The following EFNA5 variants were observed in gnomAD, a reference collection of about 807,000 sequenced individuals.
EFNA5 encodes the protein ephrin A5, also known as ephrin-A5.
EFNA5 carries 5 observed loss-of-function variants against 22.9 expected under a neutral mutation model. The ratio of observed to expected loss-of-function variants is 0.22; its 90% CI spans 0.11 to 0.46. The LOEUF (loss-of-function observed/expected upper bound fraction) is 0.46, where lower values mean the gene tolerates loss of function less well. Among genes scored for constraint, EFNA5 ranks in the 20% least tolerant of loss-of-function variants. The pLI is 0.99. For missense variants in EFNA5, 237 were observed against 293.3 expected (o/e 0.81, Z 1.40); for synonymous variants, 113 against 112.2 (o/e 1.01, Z -0.04).
At chr5:107,481,213 C>G (rs1251214351) in intron 1 of EFNA5, among the ~76,000 whole-genome samples, 2 of 152,116 alleles carry the variant, frequency 1.3e-5, no homozygotes, top group Admixed American at 1.3e-4. Context: ...CTCCTGTATT[C>G]AGGAGAGTTT....
At chr5:107,628,611 T>C (rs1343531326) in intron 1 of EFNA5, among the ~76,000 whole-genome samples, 1 of 152,142 alleles carries the variant, frequency 6.6e-6, no homozygotes, top group Non-Finnish European at 1.5e-5. Context: ...TACCACAACA[T>C]ATTATACCAG....
chr5:107,528,961 T>C (rs1388508461), intron 1 of EFNA5, among the ~76,000 whole-genome samples: 1 of 152,202 alleles, frequency 6.6e-6, no homozygotes, highest in Non-Finnish European at 1.5e-5. Flanking sequence ...AAAGTATTAC[T>C]TTCATGAAAC....
chr5:107,620,253 C>T (rs943186058), intron 1 of EFNA5, among the ~76,000 whole-genome samples: 2 of 152,354 alleles, frequency 1.3e-5, no homozygotes, highest in Middle Eastern at 3.4e-3. Flanking sequence ...ATTTGGGCAA[C>T]TCCTAATTGT....
At chr5:107,425,176 T>C (rs945154720) in intron 2 of EFNA5, among the ~76,000 whole-genome samples, 2 of 152,212 alleles carry the variant, frequency 1.3e-5, no homozygotes, top group African/African-American at 4.8e-5. Flanking sequence ...TAACCACAAA[T>C]GAGGAAAAAC....
At chr5:107,649,503 T>A (rs1175306776) in intron 1 of EFNA5, among the ~76,000 whole-genome samples, 1 of 152,164 alleles carries the variant, frequency 6.6e-6, no homozygotes, top group East Asian at 1.9e-4. Flanking sequence ...AATATGTAGA[T>A]TTCATGGATC....
In EFNA5 at chr5:107,554,807, T is replaced by C. The variant is rs372550414; in HGVS notation, c.125+115682A>G. Among the ~76,000 whole-genome samples the C allele has an allele frequency of 8.5e-5, 13 of 152,348 alleles. No homozygotes were observed. The East Asian group carries it at 1.5e-3, about 18-fold the overall frequency. On this transcript the variant is annotated intron_variant, in intron 1 of 4. Coordinates refer to ENST00000333274, the MANE Select transcript of EFNA5 (RefSeq NM_001962.3). Reference sequence around the variant, plus strand: ...AAAACCGAGTCTTAAAAAGGCTATGTACCTTGGCCAAGGTTAAAGTGCTAC... The same window carrying C: ...AAAACCGAGTCTTAAAAAGGCTATGCACCTTGGCCAAGGTTAAAGTGCTAC...
At chr5:107,578,039 C>A (rs1381242102) in intron 1 of EFNA5, among the ~76,000 whole-genome samples, 1 of 152,114 alleles carries the variant, frequency 6.6e-6, no homozygotes, top group Non-Finnish European at 1.5e-5. Context: ...TTTGGTGAGG[C>A]CTCTACTCTC....
chr5:107,506,115 G>C (rs1470455671), intron 1 of EFNA5: 3 of 152,278 alleles, frequency 2.0e-5, no homozygotes, highest in Non-Finnish European at 4.4e-5. Context: ...TGCCTGAAAT[G>C]ACTCCCAGCT....
At chr5:107,418,057 AT>A (rs1018447298) in intron 2 of EFNA5, among the ~76,000 whole-genome samples, 8 of 151,996 alleles carry the variant, frequency 5.3e-5, no homozygotes, top group African/African-American at 1.9e-4. Flanking sequence ...AGAAAGTATT[AT>A]TTTTTTCCCA....
intron 1 of EFNA5, among the ~76,000 whole-genome samples, chr5:107,513,288 A>G (rs528875049): frequency 5.3e-5 from 8 of 152,212 alleles, no homozygotes; most frequent in Non-Finnish European, 1.0e-4. Context: ...GACTCTATCA[A>G]ATAAAAGCCT....
Position 107,589,443 on chromosome 5 carries a change from CA to C in EFNA5, c.125+81045del, listed in dbSNP as rs1749271017. 3.3e-5 allele frequency among the ~76,000 whole-genome samples: 5 copies of C among 151,942 alleles called. No individual in the cohort carries two copies. The South Asian group carries it at 1.0e-3, about 32-fold the overall frequency. On this transcript the variant is annotated intron_variant, in intron 1 of 4. Transcript: ENST00000333274. ...ATAGGCAAGTGAATTAAGCGGCTTCCAAAAAAACTAAAAACTGACTATAAAC... is the reference window on the plus strand; with the variant it reads ...ATAGGCAAGTGAATTAAGCGGCTTCCAAAAAACTAAAAACTGACTATAAAC...
At chr5:107,453,993 A>G (rs1024111050) in intron 1 of EFNA5, among the ~76,000 whole-genome samples, 2 of 152,136 alleles carry the variant, frequency 1.3e-5, no homozygotes, top group Non-Finnish European at 2.9e-5. Flanking sequence ...GATGCATAGC[A>G]GAATGAATGC....
intron 1 of EFNA5, among the ~76,000 whole-genome samples, chr5:107,505,703 C>A (rs1490045305): frequency 1.3e-5 from 2 of 152,060 alleles, no homozygotes; most frequent in African/African-American, 4.8e-5. Flanking sequence ...CATTGGGTAC[C>A]TCCTATGTAC....
At chr5:107,409,550 A>G (rs1404674722) in intron 2 of EFNA5, among the ~76,000 whole-genome samples, 1 of 152,224 alleles carries the variant, frequency 6.6e-6, no homozygotes, top group African/African-American at 2.4e-5. Flanking sequence ...CTTGGAAGGC[A>G]TATGTATTAG....
chr5:107,442,905 G>C (rs371811336), intron 1 of EFNA5, among the ~76,000 whole-genome samples: 1 of 124,978 alleles, frequency 8.0e-6, no homozygotes, highest in Non-Finnish European at 1.6e-5. Context: ...AAAACTTCCC[G>C]AGGAGCGAAA....
intron 2 of EFNA5, among the ~76,000 whole-genome samples, chr5:107,413,828 A>G (rs2112405300): frequency 6.6e-6 from 1 of 152,288 alleles, no homozygotes; most frequent in African/African-American, 2.4e-5. Context: ...AGGCAGAAGG[A>G]AGGATTTATT....
intron 1 of EFNA5, among the ~76,000 whole-genome samples, chr5:107,520,059 C>A (rs1161927171): frequency 1.3e-5 from 2 of 152,166 alleles, no homozygotes; most frequent in East Asian, 3.8e-4. Context: ...TCAGGGCTTA[C>A]GGGGACAGTG....
intron 2 of EFNA5, among the ~76,000 whole-genome samples, chr5:107,425,454 C>T (rs1173963571): frequency 6.6e-6 from 1 of 152,156 alleles, no homozygotes; most frequent in East Asian, 1.9e-4. Context: ...TGCTGTCCCA[C>T]AAATGAAGTC....
intron 1 of EFNA5, among the ~76,000 whole-genome samples, chr5:107,663,687 G>A (rs1302874884): frequency 2.0e-5 from 3 of 152,062 alleles, no homozygotes; most frequent in Non-Finnish European, 4.4e-5. Context: ...GAACTTTACT[G>A]TTAGACGATC....
Sources: gnomAD v4.1 joint callset for allele counts (sites outside exome capture counted in the v4.1 genomes callset) on GRCh38, gnomAD v4.1.1 for gene constraint, MANE v1.5 for transcripts, NCBI Gene and HGNC (gene_info 2026-07-23, HGNC 2026-07-21) for gene names.